COL15A1: variants seen among roughly 807,000 people sequenced by gnomAD.
COL15A1 encodes collagen alpha-1(XV) chain.
COL15A1 carries 111 observed loss-of-function variants against 165.9 expected under a neutral mutation model. The observed-to-expected ratio is 0.67, with a 90% CI of 0.57 to 0.78. COL15A1 has a LOEUF of 0.78. Among genes scored for constraint, COL15A1 ranks in the 30% least tolerant of loss-of-function variants. The pLI, the probability that COL15A1 is intolerant of heterozygous loss-of-function variation, is 0.00. For missense variants in COL15A1, 1,745 were observed against 1,789.7 expected, an observed-to-expected ratio of 0.98 and a Z score of 0.45; for synonymous variants, 659 against 674.8, an observed-to-expected ratio of 0.98 and a Z score of 0.36.
chr9:98,970,411 A>T (rs1342165661), intron 2 of COL15A1, among the ~76,000 whole-genome samples: 2 of 152,242 alleles, frequency 1.3e-5, no homozygotes, highest in Non-Finnish European at 2.9e-5. Flanking sequence ...CAGAAAATGT[A>T]CCCAAATCAG....
Position 99,015,379 on chromosome 9 carries a change from G to A in COL15A1, c.1354-38G>A, listed in dbSNP as rs141270523. On this transcript the variant is annotated intron_variant, in intron 9 of 41. Transcript: ENST00000375001. ...CACACCCACTGAACCAGGGGCATGG[G>A]CGAAGGGGCACAGCTCCTCATGCCA... The A allele has an allele frequency of 1.7e-5, 27 of 1,543,886 alleles. No individual in the cohort carries two copies. In the African/African-American group the frequency reaches 3.1e-4, roughly 18 times the overall value.
intron 16 of COL15A1, among the ~76,000 whole-genome samples, chr9:99,029,004 G>A (rs1839174281): frequency 6.6e-6 from 1 of 152,184 alleles, no homozygotes. Context: ...GAATGGGTGA[G>A]GAGTAGCCTG....
At chr9:99,005,390 G>A (rs564984118) in intron 9 of COL15A1, among the ~76,000 whole-genome samples, 27 of 152,236 alleles carry the variant, frequency 1.8e-4, no homozygotes, top group Admixed American at 1.4e-3. Context: ...GGCAGCAGGC[G>A]GCAGGCCCCA....
intron 31 of COL15A1, among the ~76,000 whole-genome samples, chr9:99,052,667 C>T (rs777854295): frequency 2.6e-5 from 4 of 152,176 alleles, no homozygotes; most frequent in Non-Finnish European, 4.4e-5. Context: ...GCAACAAGCA[C>T]TCTGTTCTTT....
chr9:98,985,119 A>G (rs562650846), intron 2 of COL15A1, among the ~76,000 whole-genome samples: 3 of 152,326 alleles, frequency 2.0e-5, no homozygotes, highest in African/African-American at 4.8e-5. Context: ...TGGGGAAAAA[A>G]AAAATCTCCA....
intron 15 of COL15A1, 118 bp from the exon 16 acceptor site, chr9:99,025,786 G>A (rs1012778816): frequency 6.8e-6 from 7 of 1,028,848 alleles, no homozygotes; most frequent in African/African-American, 3.2e-5. Flanking sequence ...CACCTGACAT[G>A]AGGCCCTGGG....
chr9:98,946,456 G>A (rs1837585310), intron 2 of COL15A1, among the ~76,000 whole-genome samples: 1 of 152,236 alleles, frequency 6.6e-6, no homozygotes, highest in Admixed American at 6.5e-5. Context: ...TCCATTGCAT[G>A]GCATTGTGCA....
At chr9:98,999,000 G>A (rs572228288) in intron 6 of COL15A1, among the ~76,000 whole-genome samples, 2 of 152,196 alleles carry the variant, frequency 1.3e-5, no homozygotes, top group African/African-American at 4.8e-5. Flanking sequence ...TCTTCCCAGG[G>A]GTCAGTCCTT....
In COL15A1 at chr9:98,969,351, T is replaced by C. The variant is rs561843825; in HGVS notation, c.101-16214T>C. Among the ~76,000 whole-genome samples the C allele has an allele frequency of 1.2e-4, 19 of 152,344 alleles. No homozygotes were observed. The South Asian group carries it at 3.7e-3, about 30-fold the overall frequency. On this transcript the variant is annotated intron_variant, in intron 2 of 41. Transcript: ENST00000375001. ...TCATTCTCAAAACTCTCTCCTGAAGTAGGTAGCATTCCTCTTGCGGATCGA... is the reference window on the plus strand; with the variant it reads ...TCATTCTCAAAACTCTCTCCTGAAGCAGGTAGCATTCCTCTTGCGGATCGA...
In COL15A1 at chr9:99,048,009, C is replaced by T. The variant is rs1839522384; in HGVS notation, c.2793+9C>T. 14 of 1,509,042 alleles carry T rather than the reference C, an allele frequency of 9.3e-6. No individual in the cohort carries two copies. The highest frequency in any genetic ancestry group is 1.3e-5 in the Non-Finnish European group (14 of 1,100,874). The allele number at this position is 1,509,042 out of a possible 1,614,324, so 93.5% of individuals were successfully genotyped here. A position where few individuals can be genotyped will look rare whatever the true frequency, so the allele number is the denominator to read the frequency against. ...CAGGGGTCATTATGCAGGTGAGTCA[C>T]CCTGGGGATGGAGCCGGAGGTTGGT... On this transcript the variant is annotated intron_variant, in intron 28 of 41. Coordinates refer to ENST00000375001, the MANE Select transcript of COL15A1 (RefSeq NM_001855.5).
At chr9:99,035,665 C>G (rs959266784) in intron 19 of COL15A1, among the ~76,000 whole-genome samples, 4 of 152,242 alleles carry the variant, frequency 2.6e-5, no homozygotes, top group African/African-American at 7.2e-5. Context: ...CTCTCTTCAT[C>G]TATTTCTCTC....
intron 2 of COL15A1, among the ~76,000 whole-genome samples, chr9:98,968,733 G>A (rs909797699): frequency 1.3e-5 from 2 of 151,978 alleles, no homozygotes; most frequent in South Asian, 2.1e-4. Context: ...GGGAACACAG[G>A]CTATTATCAT....
intron 8 of COL15A1, among the ~76,000 whole-genome samples, chr9:99,003,987 G>T (rs1838711446): frequency 6.6e-6 from 1 of 152,312 alleles, no homozygotes; most frequent in Non-Finnish European, 1.5e-5. Flanking sequence ...GTAAGTAGAA[G>T]TCGCCTAGCA....
At chr9:98,973,612 G>A (rs1042241464) in intron 2 of COL15A1, among the ~76,000 whole-genome samples, 2 of 152,222 alleles carry the variant, frequency 1.3e-5, no homozygotes, top group Non-Finnish European at 2.9e-5. Context: ...GGAAACGGGA[G>A]CCCCCAGAGA....
rs1047851307 is a variant in COL15A1 at position 99,038,697 on chromosome 9, G to T, written c.2439G>T (p.Met813Ile). 12 of 1,610,894 alleles carry T rather than the reference G, an allele frequency of 7.4e-6. No individual in the cohort carries two copies. The highest frequency in any genetic ancestry group is 1.0e-5 in the Non-Finnish European group (12 of 1,177,172). Reference sequence around the variant, plus strand: ...TGATCAATATCACCCATGGATTCATGAATTTCTCGGACATTCCTGAGCTGG... The same window carrying T: ...TGATCAATATCACCCATGGATTCATTAATTTCTCGGACATTCCTGAGCTGG... ...NSLINITHGF[M>I]NFSDIPELVG... is the part of the protein sequence containing the mutation. Residue 813 changes from methionine to isoleucine, a missense_variant, in exon 22 of 42, where the codon ATG (methionine) becomes ATT (isoleucine). Coordinates refer to ENST00000375001, the MANE Select transcript of COL15A1 (RefSeq NM_001855.5).
intron 2 of COL15A1, among the ~76,000 whole-genome samples, chr9:98,945,850 A>G (rs929976896): frequency 3.9e-5 from 6 of 152,180 alleles, no homozygotes; most frequent in African/African-American, 1.4e-4. Context: ...AGGAAGATGG[A>G]TCTGGGGATA....
intron 11 of COL15A1, among the ~76,000 whole-genome samples, chr9:99,019,624 C>T (rs1004402165): frequency 6.6e-6 from 1 of 151,328 alleles, no homozygotes; most frequent in Non-Finnish European, 1.5e-5. Flanking sequence ...ATCTCAGAGT[C>T]ACCATGACAG....
intron 26 of COL15A1, among the ~76,000 whole-genome samples, chr9:99,046,646 T>A (rs1242407463): frequency 1.3e-5 from 2 of 152,194 alleles, no homozygotes; most frequent in Middle Eastern, 3.4e-3. Context: ...TACAAAACCA[T>A]CAGAGCTAGG....
At chr9:99,045,961 A>G (rs1839486183) in intron 26 of COL15A1, among the ~76,000 whole-genome samples, 1 of 152,232 alleles carries the variant, frequency 6.6e-6, no homozygotes, top group Admixed American at 6.5e-5. Flanking sequence ...CCTTCAAAAG[A>G]CCTTCTGAGG....
Sources: allele counts gnomAD v4.1 joint callset (sites outside exome capture counted in the v4.1 genomes callset), GRCh38; gene constraint gnomAD v4.1.1; transcripts MANE v1.5; gene names NCBI Gene and HGNC (gene_info 2026-07-23, HGNC 2026-07-21).